The following GPHN variants were observed in gnomAD, a reference collection of about 807,000 sequenced individuals.
GPHN encodes the protein gephyrin.
A neutral mutation model predicts 95.5 loss-of-function variants in GPHN; 17 were observed. That is an observed-to-expected ratio of 0.18 (90% CI 0.12 to 0.27). The LOEUF is 0.27. Among genes scored for constraint, GPHN ranks in the 10% least tolerant of loss-of-function variants. The pLI is 1.00. For missense variants in GPHN, 660 were observed against 978.1 expected, an observed-to-expected ratio of 0.67 and a Z score of 4.34; for synonymous variants, 320 against 322.5, an observed-to-expected ratio of 0.99 and a Z score of 0.08.
the GPHN span, among the ~76,000 whole-genome samples, chr14:67,245,794 T>C: frequency 6.6e-6 from 1 of 152,122 alleles, no homozygotes; most frequent in Non-Finnish European, 1.5e-5. Flanking sequence ...TCCAAATTAT[T>C]AATTTTTAAA....
At chr14:67,359,723 G>C in the GPHN span, 1 of 1,613,276 alleles carries the variant, frequency 6.2e-7, no homozygotes, top group Non-Finnish European at 8.5e-7. Context: ...TTCGGCTCGG[G>C]TCCCCGGCCG....
At chr14:66,953,174 G>A in intron 8 of GPHN, among the ~76,000 whole-genome samples, 1 of 105,130 alleles carries the variant, frequency 9.5e-6, no homozygotes, top group African/African-American at 6.9e-5. Flanking sequence ...CAAGCGGGTT[G>A]TTGGTCTTTT....
chr14:66,813,792 T>C (rs2060852835), intron 3 of GPHN, among the ~76,000 whole-genome samples: 1 of 152,164 alleles, frequency 6.6e-6, no homozygotes, highest in African/African-American at 2.4e-5. Flanking sequence ...ACAGGGCTGG[T>C]CTGACCTGAG....
intron 2 of GPHN, chr14:66,761,010 G>A: frequency 1.7e-6 from 1 of 576,766 alleles, no homozygotes. Context: ...TATGGAAGAT[G>A]CTTCTTAAAA....
chr14:67,579,511 G>A, the GPHN span: 1 of 650,590 alleles, frequency 1.5e-6, no homozygotes, highest in African/African-American at 1.8e-5. Flanking sequence ...TGGTAAAGGA[G>A]GGACCCAGGT....
intron 2 of GPHN, among the ~76,000 whole-genome samples, chr14:66,748,139 C>T (rs1239401631): frequency 6.6e-6 from 1 of 151,904 alleles, no homozygotes; most frequent in African/African-American, 2.4e-5. Context: ...ATAGTTTACA[C>T]TAAATATGTA....
chr14:66,764,399 C>G (rs559909120), intron 2 of GPHN, among the ~76,000 whole-genome samples: 1 of 151,602 alleles, frequency 6.6e-6, no homozygotes, highest in Non-Finnish European at 1.5e-5. Context: ...GTTCTGTAAA[C>G]TTGGCCTAGA....
At chr14:67,275,114 T>C in the GPHN span, among the ~76,000 whole-genome samples, 7 of 152,188 alleles carry the variant, frequency 4.6e-5, no homozygotes, top group African/African-American at 1.7e-4. Context: ...CCTTTATTTC[T>C]TTCTCCTGCC....
chr14:66,773,056 C>G (rs1340203069), intron 2 of GPHN, among the ~76,000 whole-genome samples: 1 of 152,104 alleles, frequency 6.6e-6, no homozygotes, highest in Non-Finnish European at 1.5e-5. Flanking sequence ...CCATTTGGCT[C>G]AGTAGCCTAG....
chr14:67,635,552 C>T, the GPHN span, among the ~76,000 whole-genome samples: 2 of 152,152 alleles, frequency 1.3e-5, no homozygotes, highest in South Asian at 2.1e-4. Context: ...AGTCACATCC[C>T]TTTAAAATTC....
chr14:67,168,310 T>A (rs2140046724), intron 20 of GPHN, among the ~76,000 whole-genome samples: 1 of 152,310 alleles, frequency 6.6e-6, no homozygotes, highest in South Asian at 2.1e-4. Flanking sequence ...TATGACCTTA[T>A]TTACCTTAAT....
At chr14:67,376,686 A>C in the GPHN span, 9 of 1,347,278 alleles carry the variant, frequency 6.7e-6, no homozygotes, top group Non-Finnish European at 3.0e-6. Context: ...TACTTGCCAA[A>C]TTTAGATTAA....
chr14:67,562,189 A>G, the GPHN span: 1 of 1,611,628 alleles, frequency 6.2e-7, no homozygotes, highest in Non-Finnish European at 8.5e-7. Context: ...ACGGAGCTGC[A>G]GAGCAGGATT....
the GPHN span, among the ~76,000 whole-genome samples, chr14:67,457,892 C>T: frequency 1.1e-3 from 175 of 152,342 alleles, no homozygotes; most frequent in African/African-American, 4.0e-3. Context: ...TGGCTGGCCT[C>T]TGAGGTGACA....
At chr14:67,393,601 T>A in the GPHN span, among the ~76,000 whole-genome samples, 1 of 151,932 alleles carries the variant, frequency 6.6e-6, no homozygotes, top group African/African-American at 2.4e-5. Context: ...TTACAGACAT[T>A]TGCCACCACA....
At chr14:66,674,506 G>A (rs547792496) in intron 1 of GPHN, among the ~76,000 whole-genome samples, 18 of 152,074 alleles carry the variant, frequency 1.2e-4, no homozygotes, top group Admixed American at 7.9e-4. Context: ...TACTCTCTAC[G>A]TCTATGACCT....
At chr14:66,928,083 A>C (rs916651097) in intron 8 of GPHN, among the ~76,000 whole-genome samples, 1 of 152,048 alleles carries the variant, frequency 6.6e-6, no homozygotes, top group Admixed American at 6.5e-5. Flanking sequence ...TTCCTTCTCT[A>C]TTTTTCAGAA....
chr14:67,140,333 G>A (rs1013416659), intron 17 of GPHN, among the ~76,000 whole-genome samples: 21 of 151,098 alleles, frequency 1.4e-4, no homozygotes, highest in African/African-American at 4.6e-4. Context: ...GCAGTGAGCC[G>A]AGATTGTGCC....
At chr14:67,224,246 A>G in the GPHN span, among the ~76,000 whole-genome samples, 19 of 145,744 alleles carry the variant, frequency 1.3e-4, no homozygotes, top group East Asian at 3.4e-3. Flanking sequence ...ATCTGAGTTC[A>G]TTTCTCTCTT....
Sources: gnomAD v4.1 joint callset for allele counts (sites outside exome capture counted in the v4.1 genomes callset) on GRCh38, gnomAD v4.1.1 for gene constraint, MANE v1.5 for transcripts, NCBI Gene and HGNC (gene_info 2026-07-23, HGNC 2026-07-21) for gene names.